The following ONECUT1 variants were observed in gnomAD, a reference collection of about 807,000 sequenced individuals.
ONECUT1 encodes the protein one cut homeobox 1.
ONECUT1 carries 12 observed loss-of-function variants against 25.6 expected under a neutral mutation model. The ratio of observed to expected loss-of-function variants is 0.47; its 90% CI spans 0.30 to 0.76. ONECUT1 has a LOEUF of 0.76. Among genes scored for constraint, ONECUT1 ranks in the 30% least tolerant of loss-of-function variants. ONECUT1 has a pLI of 0.07. For synonymous variants in ONECUT1, 285 were observed against 270.2 expected (o/e 1.05, Z -0.54); for missense variants, 620 against 651.2 (o/e 0.95, Z 0.52).
At chr15:52,768,804 A>C (rs1303932330) in intron 1 of ONECUT1, among the ~76,000 whole-genome samples, 1 of 152,194 alleles carries the variant, frequency 6.6e-6, no homozygotes. Context: ...TGTCTGTAGA[A>C]TCAAACTGTA....
Position 52,784,873 on chromosome 15 carries a change from C to G in ONECUT1, c.1105+3907G>C, listed in dbSNP as rs899234504. Among the ~76,000 whole-genome samples, 2 of 152,244 alleles carry G rather than the reference C, an allele frequency of 1.3e-5. No homozygotes were observed. The highest frequency in any genetic ancestry group is 2.9e-5 in the Non-Finnish European group (2 of 68,044). On this transcript the variant is annotated intron_variant, in intron 1 of 1. Coordinates refer to ENST00000305901, the MANE Select transcript of ONECUT1 (RefSeq NM_004498.4). This position sits in a 1 kb window ranked among gnomAD's most constrained non-coding sequence, Gnocchi z 5.0. ...ATCCTAGGCCTTCGGAGGAGGCGCTCCCAGCTGGCGGCGCCCCTCGCCCCG... is the reference window on the plus strand; with the variant it reads ...ATCCTAGGCCTTCGGAGGAGGCGCTGCCAGCTGGCGGCGCCCCTCGCCCCG...
chr15:52,786,090 G>T, intron 1 of ONECUT1: 1 of 152,406 alleles, frequency 6.6e-6, no homozygotes, highest in East Asian at 1.9e-4. Flanking sequence ...CCCCATATGG[G>T]AGCTGGTAGT....
At chr15:52,768,048 G>T (rs1450445889) in intron 1 of ONECUT1, among the ~76,000 whole-genome samples, 2 of 152,180 alleles carry the variant, frequency 1.3e-5, no homozygotes, top group African/African-American at 4.8e-5. Flanking sequence ...GGGTAGTGGG[G>T]AGTGGGGGAT....
intron 1 of ONECUT1, among the ~76,000 whole-genome samples, chr15:52,765,887 G>C (rs1899743): frequency 0.76 from 116,270 of 152,254 alleles, 45,132 homozygotes; most frequent in East Asian, 1. Flanking sequence ...AAAGCAACAC[G>C]AGTGAGCTCT....
intron 1 of ONECUT1, among the ~76,000 whole-genome samples, chr15:52,760,895 G>T (rs2083702011): frequency 6.6e-6 from 1 of 152,094 alleles, no homozygotes; most frequent in African/African-American, 2.4e-5. Context: ...TGCTACAGTG[G>T]GTGCTGTGGT....
chr15:52,788,713 C>G lies in ONECUT1; in HGVS notation c.1105+67G>C, dbSNP rs1156532516. ...GCACCCAGCCCTCTCTCCTACCCTTCCTCCTTTGGTCCCTTCGGCTTTCGT... is the reference window on the plus strand; with the variant it reads ...GCACCCAGCCCTCTCTCCTACCCTTGCTCCTTTGGTCCCTTCGGCTTTCGT... On this transcript the variant is annotated intron_variant, in intron 1 of 1. Coordinates refer to ENST00000305901, the MANE Select transcript of ONECUT1 (RefSeq NM_004498.4). The surrounding 1 kb of genome is among the most constrained non-coding windows in gnomAD (Gnocchi z 4.3). The G allele has an allele frequency of 6.6e-7, 1 of 1,519,802 alleles. No individual in the cohort carries two copies. The highest frequency in any genetic ancestry group is 1.8e-5 in the Admixed American group (1 of 56,318). The allele number at this position is 1,519,802 out of a possible 1,614,324, so 94.1% of individuals were successfully genotyped here.
At chr15:52,785,020 T>G (rs1373757341) in intron 1 of ONECUT1, among the ~76,000 whole-genome samples, 1 of 152,222 alleles carries the variant, frequency 6.6e-6, no homozygotes, top group Non-Finnish European at 1.5e-5. Flanking sequence ...AGGAAACCGC[T>G]GCGCTTGACT....
Position 52,788,225 on chromosome 15 carries a change from T to C in ONECUT1, c.1105+555A>G, listed in dbSNP as rs76299939. 1,462 of 155,320 alleles carry C rather than the reference T, an allele frequency of 9.4e-3. 26 individuals are homozygous for C. Among genetic ancestry groups the C allele is most frequent in the African/African-American group, 0.033 (1,361 of 41,554 alleles). 9.6% of individuals were successfully genotyped at this position (155,320 alleles called of 1,614,324 possible). ...CCACCGCCCAATGGCTCTGAAACTTTTTGCCCATACTCTTAGATTGAGGTC... is the reference window on the plus strand; with the variant it reads ...CCACCGCCCAATGGCTCTGAAACTTCTTGCCCATACTCTTAGATTGAGGTC... On this transcript the variant is annotated intron_variant, in intron 1 of 1. Transcript: ENST00000305901. The surrounding 1 kb of genome is among the most constrained non-coding windows in gnomAD (Gnocchi z 4.3).
rs559055675 is a variant in ONECUT1 at position 52,759,610 on chromosome 15, A to AT, written c.1106-1764dup. Among the ~76,000 whole-genome samples the AT allele has an allele frequency of 6.8e-4, 103 of 152,178 alleles. 1 individual carries two copies. The highest frequency in any genetic ancestry group is 4.3e-3 in the Admixed American group (65 of 15,282). On this transcript the variant is annotated intron_variant, in intron 1 of 1. Transcript: ENST00000305901. ...TATAAAACATACACAATACAAAGACATTTTTTTGAGACAGGATCTCACCCT... is the reference window on the plus strand; with the variant it reads ...TATAAAACATACACAATACAAAGACATTTTTTTTGAGACAGGATCTCACCCT...
rs1469995461 is a variant in ONECUT1 at position 52,756,049 on chromosome 15, C to A, written c.*1506G>T. On this transcript the variant is annotated 3_prime_UTR_variant, in exon 2 of 2. Coordinates refer to ENST00000305901, the MANE Select transcript of ONECUT1 (RefSeq NM_004498.4). ...CTAAATGCAGTAGCAAGAAAGAAGG[C>A]AGAATGCTTTGGAGGCTATTCTTAG... Among the ~76,000 whole-genome samples the A allele has an allele frequency of 1.3e-5, 2 of 152,142 alleles. No individual in the cohort carries two copies. The highest frequency in any genetic ancestry group is 6.6e-5 in the Admixed American group (1 of 15,252).
At chr15:52,760,220 G>A (rs2083697970) in intron 1 of ONECUT1, among the ~76,000 whole-genome samples, 1 of 152,090 alleles carries the variant, frequency 6.6e-6, no homozygotes, top group South Asian at 2.1e-4. Flanking sequence ...CTCCCTCAGA[G>A]CCTCGAGTTA....
At chr15:52,764,866 C>T (rs949519506) in intron 1 of ONECUT1, among the ~76,000 whole-genome samples, 6 of 152,358 alleles carry the variant, frequency 3.9e-5, no homozygotes, top group East Asian at 1.9e-4. Flanking sequence ...GTCCGAGTCA[C>T]GCAAGGGGTG....
intron 1 of ONECUT1, among the ~76,000 whole-genome samples, chr15:52,781,576 G>T (rs1168078253): frequency 6.6e-6 from 1 of 152,146 alleles, no homozygotes; most frequent in Non-Finnish European, 1.5e-5. Context: ...CTGAGCTCAG[G>T]GCATCACTGT....
At chr15:52,785,962 C>T (rs1190732021) in intron 1 of ONECUT1, 4 of 152,244 alleles carry the variant, frequency 2.6e-5, no homozygotes, top group South Asian at 2.1e-4. Flanking sequence ...GAAGCCACCA[C>T]TCTCCCGCTG....
chr15:52,774,457 T>G (rs2083787355), intron 1 of ONECUT1, among the ~76,000 whole-genome samples: 1 of 152,062 alleles, frequency 6.6e-6, no homozygotes. Context: ...AGCGCCACCA[T>G]GCCCAGCTAA....
intron 1 of ONECUT1, among the ~76,000 whole-genome samples, chr15:52,781,680 C>T (rs1307444968): frequency 6.6e-6 from 1 of 152,192 alleles, no homozygotes; most frequent in Non-Finnish European, 1.5e-5. Flanking sequence ...TAATGGTTCC[C>T]AAACTTGGCT....
intron 1 of ONECUT1, among the ~76,000 whole-genome samples, chr15:52,783,612 GGCTGCC>G (rs2083854981): frequency 6.6e-6 from 1 of 152,192 alleles, no homozygotes; most frequent in African/African-American, 2.4e-5. Flanking sequence ...AAGGCCTCAG[GGCTGCC>G]TCCTGACTCC....
rs934996585 is a variant in ONECUT1 at position 52,757,332 on chromosome 15, CTCA to C, written c.*220_*222del. On this transcript the variant is annotated 3_prime_UTR_variant, in exon 2 of 2. Transcript: ENST00000305901. ...TGTGAGATCCAGTGGTGTTTTCCTG[CTCA>C]TCATTTGTCTTGCCAAGTCGCCGCC... is the stretch of plus-strand genomic sequence containing the variant. 5 of 529,500 alleles carry C rather than the reference CTCA, an allele frequency of 9.4e-6. No individual in the cohort carries two copies. Among genetic ancestry groups the C allele is most frequent in the Non-Finnish European group, 1.6e-5 (5 of 303,518 alleles). The allele number at this position is 529,500 out of a possible 1,614,324, so 32.8% of individuals were successfully genotyped here.
At chr15:52,781,574 A>C (rs1008783055) in intron 1 of ONECUT1, among the ~76,000 whole-genome samples, 1 of 152,244 alleles carries the variant, frequency 6.6e-6, no homozygotes, top group Non-Finnish European at 1.5e-5. Context: ...AGCTGAGCTC[A>C]GGGCATCACT....
Sources: gnomAD v4.1 joint callset for allele counts (sites outside exome capture counted in the v4.1 genomes callset) on GRCh38, gnomAD v4.1.1 for gene constraint, Gnocchi (gnomAD v3.1) non-coding constraint, MANE v1.5 for transcripts, NCBI Gene and HGNC (gene_info 2026-07-23, HGNC 2026-07-21) for gene names.